PLEKHA5: variants seen among roughly 807,000 people sequenced by gnomAD.
PLEKHA5 encodes pleckstrin homology domain-containing family A member 5.
In PLEKHA5, 55 loss-of-function variants were observed where a neutral mutation model predicts 181.9. The observed-to-expected ratio is 0.30, with a 90% confidence interval of 0.24 to 0.38. The LOEUF is 0.38. PLEKHA5 is among the 10% of genes least tolerant of loss of function. The pLI is 1.00. For synonymous variants in PLEKHA5, 535 were observed against 529.4 expected, an observed-to-expected ratio of 1.01 and a Z score of -0.15; for missense variants, 1,432 against 1,549.5, an observed-to-expected ratio of 0.92 and a Z score of 1.27.
chr12:19,325,998 ACT>A (rs997538804), intron 20 of PLEKHA5, among the ~76,000 whole-genome samples: 3 of 152,020 alleles, frequency 2.0e-5, no homozygotes, highest in Non-Finnish European at 4.4e-5. Flanking sequence ...CAAGAGTGAA[ACT>A]CTGTCTCAAA....
At chr12:19,236,828 A>G (rs979851897) in intron 3 of PLEKHA5, 2 of 152,168 alleles carry the variant, frequency 1.3e-5, no homozygotes. Flanking sequence ...GGCTGCAATG[A>G]CATGTTCTGA....
At chr12:19,313,027 A>G (rs1025376811) in intron 15 of PLEKHA5, among the ~76,000 whole-genome samples, 11 of 152,154 alleles carry the variant, frequency 7.2e-5, no homozygotes, top group Non-Finnish European at 1.3e-4. Flanking sequence ...GGCCCAAGGA[A>G]AGGAAGAGAG....
chr12:19,369,572 G>A (rs2095525781), intron 30 of PLEKHA5, 121 bp from the exon 31 acceptor site: 5 of 568,384 alleles, frequency 8.8e-6, no homozygotes, highest in African/African-American at 5.7e-5. Context: ...AGAACCAAAT[G>A]TATCTATTAC....
intron 3 of PLEKHA5, among the ~76,000 whole-genome samples, chr12:19,213,614 A>T (rs1268315192): frequency 2.0e-5 from 3 of 152,192 alleles, no homozygotes; most frequent in Non-Finnish European, 4.4e-5. Flanking sequence ...AGTGTGGAGG[A>T]CAAATTGAAG....
chr12:19,163,200 G>A (rs1377162141), intron 3 of PLEKHA5, among the ~76,000 whole-genome samples: 1 of 147,426 alleles, frequency 6.8e-6, no homozygotes. Context: ...TTTTTGAGAT[G>A]GAGTCTCACT....
chr12:19,131,719 T>C (rs992663310), intron 2 of PLEKHA5, among the ~76,000 whole-genome samples: 2 of 152,150 alleles, frequency 1.3e-5, no homozygotes, highest in African/African-American at 4.8e-5. Context: ...GACTCTGGTT[T>C]TGTACACACA....
chr12:19,187,778 C>T (rs2050187733), intron 3 of PLEKHA5, among the ~76,000 whole-genome samples: 2 of 152,110 alleles, frequency 1.3e-5, no homozygotes, highest in African/African-American at 4.8e-5. Context: ...CTCTACCTTA[C>T]TGAGGTGTAG....
At chr12:19,171,068 A>G (rs375373074) in intron 3 of PLEKHA5, among the ~76,000 whole-genome samples, 143 of 152,330 alleles carry the variant, frequency 9.4e-4, no homozygotes, top group African/African-American at 3.3e-3. Flanking sequence ...TGATAGAGAT[A>G]TTTCTCCTTG....
intron 3 of PLEKHA5, among the ~76,000 whole-genome samples, chr12:19,213,813 C>G (rs2057427518): frequency 6.6e-6 from 1 of 152,004 alleles, no homozygotes. Context: ...TTCTCTCTGG[C>G]ATTTGAATTG....
chr12:19,339,045 CT>C lies in PLEKHA5; in HGVS notation c.2550+2441del, dbSNP rs1056828971. Among the ~76,000 whole-genome samples the C allele has an allele frequency of 6.8e-3, 984 of 144,998 alleles. 6 individuals carry two copies. The highest frequency in any genetic ancestry group is 0.021 in the African/African-American group (849 of 39,928). On this transcript the variant is annotated intron_variant, in intron 21 of 31. Coordinates refer to ENST00000429027, the MANE Select transcript of PLEKHA5 (RefSeq NM_001256470.2). ...TGTTTTTTGTTATTTTATAACTTCT[CT>C]TTTTTTTTTTTGAGACAGAGTTTCA...
intron 25 of PLEKHA5, among the ~76,000 whole-genome samples, chr12:19,349,575 C>T (rs1002907005): frequency 2.0e-5 from 3 of 151,780 alleles, no homozygotes; most frequent in South Asian, 2.1e-4. Context: ...AAGGCAATTG[C>T]GTAAAGAAAA....
intron 3 of PLEKHA5, among the ~76,000 whole-genome samples, chr12:19,239,577 A>G (rs1327271268): frequency 6.6e-6 from 1 of 152,236 alleles, no homozygotes; most frequent in Non-Finnish European, 1.5e-5. Context: ...TCAGAGTTTT[A>G]ACAAATATAT....
intron 16 of PLEKHA5, among the ~76,000 whole-genome samples, chr12:19,318,544 A>G (rs919422425): frequency 2.0e-5 from 3 of 152,206 alleles, no homozygotes; most frequent in African/African-American, 7.2e-5. Context: ...TACATTTGAT[A>G]TTTTAATCTA....
intron 28 of PLEKHA5, among the ~76,000 whole-genome samples, chr12:19,360,283 A>C (rs957864278): frequency 1.4e-5 from 2 of 146,280 alleles, no homozygotes; most frequent in Non-Finnish European, 3.0e-5. Flanking sequence ...GAGATGGGCC[A>C]CAGAGTGAGA....
chr12:19,138,529 C>T (rs2036328087), intron 3 of PLEKHA5, among the ~76,000 whole-genome samples: 3 of 150,428 alleles, frequency 2.0e-5, no homozygotes, highest in Admixed American at 6.6e-5. Context: ...GCCGAGATCA[C>T]GCCACTGCAC....
intron 3 of PLEKHA5, among the ~76,000 whole-genome samples, chr12:19,136,912 A>G (rs996196173): frequency 6.6e-6 from 1 of 152,220 alleles, no homozygotes; most frequent in Admixed American, 6.5e-5. Flanking sequence ...CGTTGCAAGT[A>G]AGGAGAAAAA....
At chr12:19,208,461 A>G (rs1297264637) in intron 3 of PLEKHA5, among the ~76,000 whole-genome samples, 3 of 151,696 alleles carry the variant, frequency 2.0e-5, no homozygotes, top group African/African-American at 7.3e-5. Flanking sequence ...CTGCCTCTTC[A>G]TTGAAACACA....
chr12:19,353,768 C>G lies in PLEKHA5; in HGVS notation c.3020-116C>G, dbSNP rs1592606124. On this transcript the variant is annotated intron_variant, in intron 25 of 31. Coordinates refer to ENST00000429027, the MANE Select transcript of PLEKHA5 (RefSeq NM_001256470.2). ...GCCACCGCGCCAGGCCAGCCTGACT[C>G]TTTTTAAATAAATTTGCTTTCTGAT... The G allele has an allele frequency of 1.3e-5, 9 of 675,130 alleles. No individual in the cohort carries two copies. In the East Asian group the frequency reaches 2.4e-4, roughly 18 times the overall value. The allele number at this position is 675,130 out of a possible 1,614,324, so 41.8% of individuals were successfully genotyped here. A position where few individuals can be genotyped will look rare whatever the true frequency, so the allele number is the denominator to read the frequency against.
intron 10 of PLEKHA5, 129 bp from the exon 11 acceptor site, chr12:19,274,387 G>C (rs1381457368): frequency 3.2e-6 from 2 of 627,678 alleles, no homozygotes; most frequent in East Asian, 5.4e-5. Context: ...GTGTAGACTT[G>C]TCCACTGTGA....
Sources: gnomAD v4.1 joint callset for allele counts (sites outside exome capture counted in the v4.1 genomes callset) on GRCh38, gnomAD v4.1.1 for gene constraint, MANE v1.5 for transcripts, NCBI Gene and HGNC (gene_info 2026-07-23, HGNC 2026-07-21) for gene names.